The following GRID2 variants were observed in gnomAD, a reference collection of about 807,000 sequenced individuals.
GRID2 encodes the protein glutamate receptor ionotropic, delta-2.
A neutral mutation model predicts 114.8 loss-of-function variants in GRID2; 33 were observed. That is an observed-to-expected ratio of 0.29 (90% confidence interval 0.22 to 0.38). GRID2 has a LOEUF of 0.38. Among genes scored for constraint, GRID2 ranks in the 10% least tolerant of loss-of-function variants. GRID2 has a pLI of 1.00. For missense variants in GRID2, 1,184 were observed against 1,257.7 expected, an observed-to-expected ratio of 0.94 and a Z score of 0.89; for synonymous variants, 505 against 449.9, an observed-to-expected ratio of 1.12 and a Z score of -1.55.
chr4:92,676,848 A>G (rs1733400234), intron 2 of GRID2, among the ~76,000 whole-genome samples: 1 of 152,190 alleles, frequency 6.6e-6, no homozygotes, highest in South Asian at 2.1e-4. Context: ...ACTATTCTCA[A>G]TAACCAAAAG....
chr4:93,105,269 C>G (rs948652687), intron 3 of GRID2, among the ~76,000 whole-genome samples: 7 of 152,002 alleles, frequency 4.6e-5, no homozygotes, highest in African/African-American at 1.7e-4. Flanking sequence ...CCTGTTCACT[C>G]TGATGGTAGT....
intron 2 of GRID2, among the ~76,000 whole-genome samples, chr4:92,959,110 AT>A (rs201318761): frequency 0.026 from 974 of 37,784 alleles, 5 homozygotes; most frequent in African/African-American, 0.063. Context: ...GATTTTATTG[AT>A]TTTTTTTTTT....
At chr4:93,608,559 G>A (rs1214364156) in intron 13 of GRID2, among the ~76,000 whole-genome samples, 1 of 144,232 alleles carries the variant, frequency 6.9e-6, no homozygotes, top group Non-Finnish European at 1.5e-5. Context: ...AGAATACGCA[G>A]TGTTTGGTTT....
At position 93,110,883 on chromosome 4, in the gene GRID2, G is replaced by A. The variant is rs759898026; in HGVS notation, c.665G>A (p.Arg222His). 28 of 1,612,528 alleles carry A rather than the reference G, an allele frequency of 1.7e-5. No homozygotes were observed. The highest frequency in any genetic ancestry group is 8.9e-5 in the East Asian group (4 of 44,856). Reference sequence around the variant, plus strand: ...ACCATGAGAATAGAAGAACTGAATCGCTATCGAGACACTCTTAGGCGAGCG... The same window carrying A: ...ACCATGAGAATAGAAGAACTGAATCACTATCGAGACACTCTTAGGCGAGCG... ...FDTMRIEELN[R>H]YRDTLRRAIL... The change falls in exon 4 of 16, where the codon CGC becomes CAC. Residue 222 changes from arginine (R) to histidine (H), a missense_variant. Arg to His is a conservative substitution (Grantham distance 29). Around this residue, in one of 3 missense-constraint regions of GRID2, gnomAD observed 455 missense variants for 429.5 expected, o/e 1.06. Coordinates refer to ENST00000282020, the MANE Select transcript of GRID2 (RefSeq NM_001510.4).
chr4:93,072,268 GAC>G (rs975410689), intron 2 of GRID2, among the ~76,000 whole-genome samples: 2 of 151,974 alleles, frequency 1.3e-5, no homozygotes, highest in Non-Finnish European at 2.9e-5. Flanking sequence ...TTCAAAGAGA[GAC>G]AGAACACAAA....
At chr4:93,496,762 G>A (rs1295983091) in intron 12 of GRID2, among the ~76,000 whole-genome samples, 3 of 151,810 alleles carry the variant, frequency 2.0e-5, no homozygotes, top group Non-Finnish European at 4.4e-5. Context: ...ACCACAGTTG[G>A]TTTAGCAATT....
intron 6 of GRID2, 191 bp downstream of exon 6, chr4:93,217,102 G>C: frequency 2.4e-6 from 1 of 414,096 alleles, no homozygotes; most frequent in Non-Finnish European, 4.3e-6. Flanking sequence ...TCTCATTATA[G>C]AAAAATTTCT....
rs571676351 is a variant in GRID2 at position 92,426,230 on chromosome 4, C to T, written c.88+121486C>T. ...TATAACTAATAATAAGACCTTGGGT[C>T]ATTCTCTGACCACCAATACTGAAAT... On this transcript the variant is annotated intron_variant, in intron 1 of 15. Coordinates refer to ENST00000282020, the MANE Select transcript of GRID2 (RefSeq NM_001510.4). 2.0e-5 allele frequency among the ~76,000 whole-genome samples: 3 copies of T among 152,198 alleles called. No individual in the cohort carries two copies. In the East Asian group the frequency reaches 5.8e-4, roughly 29 times the overall value.
At chr4:93,446,189 G>A (rs535919743) in intron 10 of GRID2, among the ~76,000 whole-genome samples, 7 of 152,066 alleles carry the variant, frequency 4.6e-5, no homozygotes, top group East Asian at 3.9e-4. Context: ...ACTCTTCAGC[G>A]AGCAAATTAG....
intron 1 of GRID2, among the ~76,000 whole-genome samples, chr4:92,389,599 A>G (rs549055925): frequency 1.7e-4 from 26 of 152,214 alleles, no homozygotes; most frequent in Admixed American, 1.4e-3. Flanking sequence ...AATCTTTATC[A>G]CTGGAATTTC....
chr4:93,354,039 A>T (rs1445139107), intron 8 of GRID2, among the ~76,000 whole-genome samples: 1 of 151,308 alleles, frequency 6.6e-6, no homozygotes, highest in Non-Finnish European at 1.5e-5. Context: ...ACACACACAC[A>T]CACATATGCC....
At chr4:93,278,860 T>A (rs1752352919) in intron 8 of GRID2, among the ~76,000 whole-genome samples, 1 of 151,904 alleles carries the variant, frequency 6.6e-6, no homozygotes, top group African/African-American at 2.4e-5. Flanking sequence ...CTTTAAAAAT[T>A]AATGTATAAT....
intron 1 of GRID2, among the ~76,000 whole-genome samples, chr4:93,792,941 C>T: frequency 6.6e-6 from 1 of 152,132 alleles, no homozygotes; most frequent in East Asian, 1.9e-4. Flanking sequence ...CGTCAGGTTC[C>T]ACAGATTTTT....
intron 8 of GRID2, among the ~76,000 whole-genome samples, chr4:93,389,732 G>A (rs966429905): frequency 6.6e-6 from 1 of 151,988 alleles, no homozygotes; most frequent in African/African-American, 2.4e-5. Context: ...TATTAAAAGA[G>A]GTTAAGTAGC....
intron 2 of GRID2, among the ~76,000 whole-genome samples, chr4:92,934,941 GAAAACCTA>G (rs1334837436): frequency 6.8e-6 from 1 of 146,272 alleles, no homozygotes; most frequent in Non-Finnish European, 1.5e-5. Context: ...AACCCTAGAA[GAAAACCTA>G]GGCATTACCA....
At chr4:93,295,994 G>T (rs1331017975) in intron 8 of GRID2, among the ~76,000 whole-genome samples, 4 of 152,110 alleles carry the variant, frequency 2.6e-5, no homozygotes, top group Non-Finnish European at 5.9e-5. Flanking sequence ...TCCTATGGCT[G>T]TCCTAATAAA....
intron 8 of GRID2, among the ~76,000 whole-genome samples, chr4:93,339,665 G>A: frequency 7.4e-6 from 1 of 134,716 alleles, no homozygotes; most frequent in South Asian, 2.3e-4. Flanking sequence ...CTTTCTCTCA[G>A]GAAAAAATTT....
chr4:93,346,647 C>A (rs1760265507), intron 8 of GRID2, among the ~76,000 whole-genome samples: 1 of 152,058 alleles, frequency 6.6e-6, no homozygotes, highest in East Asian at 1.9e-4. Context: ...AAAATTGGTT[C>A]TTTTTTAGAG....
At chr4:92,905,066 T>C (rs1279842496) in intron 2 of GRID2, among the ~76,000 whole-genome samples, 4 of 152,068 alleles carry the variant, frequency 2.6e-5, no homozygotes, top group South Asian at 2.1e-4. Flanking sequence ...GTGACAGTGA[T>C]CCTTTTTCAA....
Sources: allele counts gnomAD v4.1 joint callset (sites outside exome capture counted in the v4.1 genomes callset), GRCh38; gene constraint gnomAD v4.1.1; regional missense constraint gnomAD v4.1.1; transcripts MANE v1.5; gene names NCBI Gene and HGNC (gene_info 2026-07-23, HGNC 2026-07-21).